Variants in ABCC4 observed in about 807,000 individuals in gnomAD.
ABCC4 encodes the protein ATP binding cassette subfamily C member 4 (PEL blood group), also known as ATP-binding cassette sub-family C member 4.
In ABCC4, 102 loss-of-function variants were observed where a neutral mutation model predicts 168.5. That is an observed-to-expected ratio of 0.61 (90% CI 0.52 to 0.71). The LOEUF (loss-of-function observed/expected upper bound fraction) is 0.71. Ranked by LOEUF, ABCC4 falls within the 30% of genes least tolerant of loss-of-function variation. The pLI, the probability that ABCC4 is intolerant of heterozygous loss-of-function variation, is 0.00. For missense variants in ABCC4, 1,402 were observed against 1,605.8 expected, an observed-to-expected ratio of 0.87 and a Z score of 2.17; for synonymous variants, 617 against 590.7, an observed-to-expected ratio of 1.04 and a Z score of -0.65.
intron 4 of ABCC4, among the ~76,000 whole-genome samples, chr13:95,213,347 G>A (rs2039016760): frequency 6.6e-6 from 1 of 152,240 alleles, no homozygotes; most frequent in Non-Finnish European, 1.5e-5. Flanking sequence ...TATGCCTGAG[G>A]ACATTTTCTG....
At chr13:95,075,864 C>A (rs940093090) in intron 21 of ABCC4, among the ~76,000 whole-genome samples, 4 of 152,160 alleles carry the variant, frequency 2.6e-5, no homozygotes, top group African/African-American at 9.7e-5. Context: ...CCATATTCTT[C>A]CCTGACATCT....
intron 20 of ABCC4, chr13:95,096,081 G>T: frequency 2.1e-6 from 1 of 477,398 alleles, no homozygotes. Context: ...AGTGGCTCAT[G>T]CCTATAATCC....
At chr13:95,217,741 T>A (rs1406140783) in intron 4 of ABCC4, among the ~76,000 whole-genome samples, 4 of 151,826 alleles carry the variant, frequency 2.6e-5, no homozygotes, top group Admixed American at 6.6e-5. Context: ...ATTAAAAAAA[T>A]AAATAAATAA....
At chr13:95,271,000 CAGG>C (rs1233700723) in intron 1 of ABCC4, among the ~76,000 whole-genome samples, 5 of 152,258 alleles carry the variant, frequency 3.3e-5, no homozygotes, top group Admixed American at 3.3e-4. Flanking sequence ...GAGGCTGAGG[CAGG>C]AGAATGGCGT....
intron 29 of ABCC4, among the ~76,000 whole-genome samples, chr13:95,039,112 G>A (rs1329974057): frequency 6.6e-6 from 1 of 152,188 alleles, no homozygotes; most frequent in Admixed American, 6.5e-5. Flanking sequence ...TAGCCTTTAT[G>A]CATGTTGAGT....
chr13:95,138,665 A>G (rs748087496), intron 19 of ABCC4, among the ~76,000 whole-genome samples: 2 of 152,232 alleles, frequency 1.3e-5, no homozygotes, highest in Non-Finnish European at 2.9e-5. Flanking sequence ...TTCTAAAAAA[A>G]AAAGTTTAAA....
intron 4 of ABCC4, among the ~76,000 whole-genome samples, chr13:95,233,196 A>G (rs2039671710): frequency 6.6e-6 from 1 of 152,156 alleles, no homozygotes; most frequent in African/African-American, 2.4e-5. Context: ...TACACTTTAC[A>G]ATGTACATTA....
intron 1 of ABCC4, among the ~76,000 whole-genome samples, chr13:95,278,675 T>C (rs2041032811): frequency 6.6e-6 from 1 of 151,896 alleles, no homozygotes; most frequent in African/African-American, 2.4e-5. Context: ...TGCATGCCTA[T>C]AGTCCCAGCT....
intron 20 of ABCC4, among the ~76,000 whole-genome samples, chr13:95,100,522 C>T (rs1057364458): frequency 6.6e-6 from 1 of 152,146 alleles, no homozygotes; most frequent in Non-Finnish European, 1.5e-5. Flanking sequence ...TGTGTGAATC[C>T]TATCATCCTG....
intron 1 of ABCC4, among the ~76,000 whole-genome samples, chr13:95,277,339 G>A (rs1468608886): frequency 6.6e-6 from 1 of 152,058 alleles, no homozygotes; most frequent in African/African-American, 2.4e-5. Flanking sequence ...CAAGCACTTT[G>A]GGAGGCCAAG....
intron 19 of ABCC4, among the ~76,000 whole-genome samples, chr13:95,150,820 C>G (rs1003828950): frequency 2.6e-5 from 4 of 152,180 alleles, no homozygotes; most frequent in Non-Finnish European, 5.9e-5. Context: ...AGACCTCCCC[C>G]AGTGGCTCAG....
intron 29 of ABCC4, among the ~76,000 whole-genome samples, chr13:95,042,656 A>G (rs992511154): frequency 1.3e-5 from 2 of 152,338 alleles, no homozygotes; most frequent in East Asian, 1.9e-4. Flanking sequence ...GCACACTTCA[A>G]TAATGGTAAC....
chr13:95,232,125 A>G (rs61965967), intron 4 of ABCC4, among the ~76,000 whole-genome samples: 14 of 151,006 alleles, frequency 9.3e-5, no homozygotes, highest in South Asian at 8.4e-4. Flanking sequence ...GCTGCTGATG[A>G]TGATGGTGGT....
At chr13:95,090,501 T>G (rs1315269479) in intron 20 of ABCC4, among the ~76,000 whole-genome samples, 1 of 152,128 alleles carries the variant, frequency 6.6e-6, no homozygotes, top group Non-Finnish European at 1.5e-5. Flanking sequence ...GCAGACTCAC[T>G]GGGTGGCTAG....
At chr13:95,070,143 T>G (rs1309032756) in intron 25 of ABCC4, among the ~76,000 whole-genome samples, 2 of 151,946 alleles carry the variant, frequency 1.3e-5, no homozygotes, top group Admixed American at 6.6e-5. Flanking sequence ...ACGGGGGAGG[T>G]TGAAGCAGGA....
intron 1 of ABCC4, among the ~76,000 whole-genome samples, chr13:95,298,330 A>C (rs1479546069): frequency 6.6e-6 from 1 of 152,128 alleles, no homozygotes; most frequent in Non-Finnish European, 1.5e-5. Context: ...AATTTTAACA[A>C]TTAAAAATAA....
intron 3 of ABCC4, among the ~76,000 whole-genome samples, chr13:95,241,869 A>ATGGCTG (rs2039953089): frequency 6.6e-6 from 1 of 152,176 alleles, no homozygotes; most frequent in Admixed American, 6.5e-5. Context: ...CAGCTTAGTT[A>ATGGCTG]AGAGTATATG....
At chr13:95,102,230 G>A (rs1030673803) in intron 20 of ABCC4, among the ~76,000 whole-genome samples, 9 of 151,950 alleles carry the variant, frequency 5.9e-5, no homozygotes, top group East Asian at 1.9e-4. Context: ...CTGCAACCTC[G>A]AACTTCTGGG....
chr13:95,070,537 T>C (rs1405490512), intron 25 of ABCC4, among the ~76,000 whole-genome samples: 3 of 152,182 alleles, frequency 2.0e-5, no homozygotes, highest in African/African-American at 4.8e-5. Flanking sequence ...CAGACTTAGA[T>C]ACCTGCAAAA....
Sources: allele counts gnomAD v4.1 joint callset (sites outside exome capture counted in the v4.1 genomes callset), GRCh38; gene constraint gnomAD v4.1.1; transcripts MANE v1.5; gene names NCBI Gene and HGNC (gene_info 2026-07-23, HGNC 2026-07-21).